Variants in LYG2 observed in about 807,000 individuals in gnomAD.
LYG2 encodes lysozyme g-like protein 2.
LYG2 carries 25 observed loss-of-function variants against 22.4 expected under a neutral mutation model. The ratio of observed to expected loss-of-function variants is 1.12; its 90% CI spans 0.81 to 1.56. LYG2 has a LOEUF of 1.56. Among genes scored for constraint, LYG2 ranks in the 40% most tolerant of loss-of-function variants. LYG2 has a pLI of 0.00. For synonymous variants in LYG2, 88 were observed against 97.0 expected (o/e 0.91, Z 0.55); for missense variants, 266 against 269.5 (o/e 0.99, Z 0.09).
intron 6 of LYG2, chr2:99,243,272 G>A: frequency 1.5e-6 from 1 of 655,928 alleles, no homozygotes; most frequent in Non-Finnish European, 2.6e-6. Context: ...CATGTAAAAT[G>A]CAGAAGAAAG....
upstream of LYG2, among the ~76,000 whole-genome samples, chr2:99,259,481 TC>T (rs2094043312): frequency 1.3e-5 from 2 of 152,110 alleles, no homozygotes; most frequent in East Asian, 3.9e-4. Flanking sequence ...TCTGGATCAT[TC>T]AACCATGTCT....
At chr2:99,255,536 C>T (rs1164339996) in intron 1 of LYG2, among the ~76,000 whole-genome samples, 67 bp downstream of exon 1, 1 of 152,168 alleles carries the variant, frequency 6.6e-6, no homozygotes, top group East Asian at 1.9e-4. Flanking sequence ...GAATAAGAAA[C>T]AGATAATTCA....
At chr2:99,254,123 A>G (rs2094031747) in intron 3 of LYG2, 95 bp downstream of exon 3, 2 of 1,098,260 alleles carry the variant, frequency 1.8e-6, no homozygotes, top group East Asian at 2.4e-5. Flanking sequence ...CCACTCTTCC[A>G]TTACAGGTAA....
intron 3 of LYG2, among the ~76,000 whole-genome samples, chr2:99,250,255 A>G (rs941442524): frequency 6.6e-6 from 1 of 152,172 alleles, no homozygotes; most frequent in Non-Finnish European, 1.5e-5. Flanking sequence ...AGCAGAATAT[A>G]TAGCGAGTTT....
chr2:99,250,574 GCA>G lies in LYG2; in HGVS notation c.43+3642_43+3643del, dbSNP rs1559206908. Among the ~76,000 whole-genome samples, 620 of 152,076 alleles carry G rather than the reference GCA, an allele frequency of 4.1e-3. 5 individuals carry two copies. The highest frequency in any genetic ancestry group is 0.014 in the African/African-American group (577 of 41,460). On this transcript the variant is annotated intron_variant, in intron 3 of 6. Coordinates refer to ENST00000333017, the MANE Select transcript of LYG2 (RefSeq NM_175735.4). ...TATTTTTAGTAGAGGCGGGGTTTCA[GCA>G]TGTTAGCCAGGATGGTCTCGATCTG...
Position 99,246,756 on chromosome 2 carries a change from G to A in LYG2, c.108C>T (p.Tyr36=). ...TCATGATGTCCCCATAGCAGCCGTGGTACAGGCGTGGATGTAGGTGAGGCT... is the reference window on the plus strand; with the variant it reads ...TCATGATGTCCCCATAGCAGCCGTGATACAGGCGTGGATGTAGGTGAGGCT... ...SMKPHLHPRL[Y]HGCYGDIMTM... Residue 36 remains tyrosine (Y), a synonymous_variant, in exon 4 of 7, where the codon TAC becomes TAT. Transcript: ENST00000333017. 1.2e-6 allele frequency: 2 copies of A among 1,614,132 alleles called. No individual in the cohort carries two copies. The highest frequency in any genetic ancestry group is 1.7e-6 in the Non-Finnish European group (2 of 1,179,978).
chr2:99,251,231 C>T (rs1320749017), intron 3 of LYG2, among the ~76,000 whole-genome samples: 1 of 151,932 alleles, frequency 6.6e-6, no homozygotes, highest in Non-Finnish European at 1.5e-5. Flanking sequence ...AAAATGGAAT[C>T]ATAAAAAAGA....
At chr2:99,246,563 T>A in intron 4 of LYG2, 117 bp downstream of exon 4, 1 of 1,249,972 alleles carries the variant, frequency 8.0e-7, no homozygotes, top group Non-Finnish European at 1.1e-6. Flanking sequence ...TCATTTTTAA[T>A]TTTGATACTA....
chr2:99,250,413 C>T (rs943677875), intron 3 of LYG2, among the ~76,000 whole-genome samples: 27 of 138,160 alleles, frequency 2.0e-4, no homozygotes, highest in South Asian at 4.5e-4. Flanking sequence ...CTTGCTCTGT[C>T]GCCCAGGCTG....
At chr2:99,243,539 T>C in intron 6 of LYG2, 3 of 1,508,544 alleles carry the variant, frequency 2.0e-6, no homozygotes, top group South Asian at 2.5e-5. Flanking sequence ...GATAGATAGA[T>C]AAATTTTTTT....
At chr2:99,245,111 CAA>C (rs5832869) in intron 5 of LYG2, 149 bp downstream of exon 5, 8,755 of 597,406 alleles carry the variant, frequency 0.015, no homozygotes, top group South Asian at 0.024. Flanking sequence ...AACTCCATCT[CAA>C]AAAAAAAAAA....
Position 99,242,325 on chromosome 2 carries a change from T to G in LYG2, c.*39A>C, listed in dbSNP as rs748283297. On this transcript the variant is annotated 3_prime_UTR_variant, in exon 7 of 7. Transcript: ENST00000333017. The stretch of plus-strand genomic sequence containing the variant: ...CGTAAAACTCTCAAAGGCGGCCATC[T>G]GAGCACTCTGCCAACCTGGCCCACC... 1.6e-6 allele frequency: 2 copies of G among 1,263,432 alleles called. No homozygotes were observed. The highest frequency in any genetic ancestry group is 4.7e-5 in the East Asian group (2 of 42,244). The allele number at this position is 1,263,432 out of a possible 1,614,324, so 78.3% of individuals were successfully genotyped here. A position where few individuals can be genotyped will look rare whatever the true frequency, so the allele number is the denominator to read the frequency against.
intron 3 of LYG2, among the ~76,000 whole-genome samples, chr2:99,249,845 A>C (rs2094023083): frequency 6.6e-6 from 1 of 150,666 alleles, no homozygotes; most frequent in Non-Finnish European, 1.5e-5. Flanking sequence ...ATCATTGCTC[A>C]TCTGGACTCT....
At chr2:99,250,368 C>A in intron 3 of LYG2, among the ~76,000 whole-genome samples, 1 of 149,622 alleles carries the variant, frequency 6.7e-6, no homozygotes. Context: ...CAGCATTTTC[C>A]AACTCTTTTT....
At position 99,244,067 on chromosome 2, in the gene LYG2, A is replaced by C. The variant is rs775912223; in HGVS notation, c.452T>G (p.Ile151Ser). ...GATTGCCTTAATTCTCTCTGTTAGA[A>C]TCCCAGTAGCCTGTGAAAGGTGCTC... Reference protein sequence around the residue: ...SKEHLSQATGILTERIKAIQK... With the variant: ...SKEHLSQATGSLTERIKAIQK... The change falls in exon 6 of 7, where the codon ATT (isoleucine) becomes AGT (serine). Residue 151 changes from isoleucine (I) to serine (S), a missense_variant. Ile to Ser is a moderately radical substitution (Grantham distance 142, BLOSUM62 -2). Transcript: ENST00000333017. 1 of 1,614,084 alleles carries C rather than the reference A, an allele frequency of 6.2e-7. No homozygotes were observed. The highest frequency in any genetic ancestry group is 1.1e-5 in the South Asian group (1 of 91,082).
intron 5 of LYG2, among the ~76,000 whole-genome samples, 179 bp downstream of exon 5, chr2:99,245,083 C>G (rs1559204952): frequency 6.6e-6 from 1 of 151,334 alleles, no homozygotes; most frequent in African/African-American, 2.4e-5. Flanking sequence ...TGCACTCCAG[C>G]CTGGGTAACA....
chr2:99,244,099 A>G lies in LYG2; in HGVS notation c.420T>C (p.Asp140=), dbSNP rs761930661. The change falls in exon 6 of 7, where the codon GAT becomes GAC. Residue 140 remains aspartate, a synonymous_variant. Transcript: ENST00000333017. The stretch of plus-strand genomic sequence containing the variant: ...TAGCCTGTGAAAGGTGCTCTTTGCT[A>G]TCCCAGGCACCGACAGGGTGGTACG... ...KQTYHPVGAW[D]SKEHLSQATG... 8.7e-6 allele frequency: 14 copies of G among 1,613,872 alleles called. 1 individual carries two copies. The Admixed American group carries it at 2.2e-4, about 25-fold the overall frequency.
At chr2:99,247,586 T>C (rs2094018445) in intron 3 of LYG2, among the ~76,000 whole-genome samples, 1 of 152,154 alleles carries the variant, frequency 6.6e-6, no homozygotes, top group Non-Finnish European at 1.5e-5. Flanking sequence ...CTTGCCTCCC[T>C]ACCTTCCTCC....
At chr2:99,259,566 T>G (rs2094043485), upstream of LYG2, among the ~76,000 whole-genome samples, 1 of 152,232 alleles carries the variant, frequency 6.6e-6, no homozygotes, top group Non-Finnish European at 1.5e-5. Context: ...AACAAAATTT[T>G]AAAGTAACGT....
Sources: gnomAD v4.1 joint callset for allele counts (sites outside exome capture counted in the v4.1 genomes callset) on GRCh38, gnomAD v4.1.1 for gene constraint, MANE v1.5 for transcripts, NCBI Gene and HGNC (gene_info 2026-07-23, HGNC 2026-07-21) for gene names.